The following CARD10 variants were observed in gnomAD, a reference collection of about 807,000 sequenced individuals.
The protein encoded by CARD10 is caspase recruitment domain-containing protein 10.
CARD10 carries 49 observed loss-of-function variants against 114.6 expected under a neutral mutation model. That is an observed-to-expected ratio of 0.43 (90% CI 0.34 to 0.54). The LOEUF (loss-of-function observed/expected upper bound fraction) is 0.54. Ranked by LOEUF, CARD10 falls within the 20% of genes least tolerant of loss-of-function variation. The pLI, the probability that CARD10 is intolerant of heterozygous loss-of-function variation, is 0.03. For missense variants in CARD10, 1,206 were observed against 1,397.2 expected (o/e 0.86, Z 2.18); for synonymous variants, 602 against 593.2 (o/e 1.01, Z -0.21).
chr22:37,495,644 C>G (rs1458154674), intron 14 of CARD10, 58 bp from the exon 15 acceptor site: 1 of 1,611,148 alleles, frequency 6.2e-7, no homozygotes, highest in Admixed American at 1.7e-5. Flanking sequence ...CATTTCTCCT[C>G]GAACCCCCCG....
intron 16 of CARD10, among the ~76,000 whole-genome samples, chr22:37,493,004 C>T (rs529693074): frequency 1.9e-4 from 29 of 152,278 alleles, no homozygotes; most frequent in African/African-American, 6.5e-4. Context: ...TCCCTGCCCC[C>T]TACGGGTCAT....
In CARD10 at chr22:37,510,314, C is replaced by T; in HGVS notation, c.807G>A (p.Glu269=). ...CCACATTGTCTGGCTCCTTCTCCTTCTCCTTCTCCTTCTCCTTCTCCTCTG... is the reference window on the plus strand; with the variant it reads ...CCACATTGTCTGGCTCCTTCTCCTTTTCCTTCTCCTTCTCCTTCTCCTCTG... ...PGAEEKEKEK[E]KEKEPDNVDL... is the part of the protein sequence containing the mutation. Residue 269 remains glutamate (E), a synonymous_variant, in exon 4 of 20, where the codon GAG becomes GAA. Transcript: ENST00000251973. 1 of 1,610,056 alleles carries T rather than the reference C, an allele frequency of 6.2e-7. No individual in the cohort carries two copies. Among genetic ancestry groups the T allele is most frequent in the Non-Finnish European group, 8.5e-7 (1 of 1,179,678 alleles).
In CARD10 at chr22:37,510,326, C is replaced by T. The variant is rs745789566; in HGVS notation, c.795G>A (p.Glu265=). ...GCTCCTTCTCCTTCTCCTTCTCCTT[C>T]TCCTTCTCCTCTGCCCCAGGGGGCG... ...RGPPPGAEEK[E]KEKEKEKEPD... Residue 265 remains glutamate (E), a synonymous_variant, in exon 4 of 20, where the codon GAG becomes GAA. Transcript: ENST00000251973. 6.2e-7 allele frequency: 1 copy of T among 1,610,568 alleles called. No individual in the cohort carries two copies. The highest frequency in any genetic ancestry group is 1.7e-5 in the Admixed American group (1 of 59,946).
intron 9 of CARD10, among the ~76,000 whole-genome samples, 199 bp from the exon 10 acceptor site, chr22:37,503,412 C>A (rs1008967635): frequency 2.6e-5 from 4 of 152,202 alleles, no homozygotes; most frequent in Non-Finnish European, 4.4e-5. Context: ...AAGTTAATGT[C>A]CTGGCCTCTG....
At chr22:37,515,291 G>C (rs981607450) in intron 3 of CARD10, among the ~76,000 whole-genome samples, 1 of 152,174 alleles carries the variant, frequency 6.6e-6, no homozygotes, top group African/African-American at 2.4e-5. Context: ...GGCCAGGTAC[G>C]GTGGCTCACG....
In CARD10 at chr22:37,490,968, G is replaced by A. The variant is rs1922746943; in HGVS notation, c.*191C>T. On this transcript the variant is annotated 3_prime_UTR_variant, in exon 20 of 20. Coordinates refer to ENST00000251973, the MANE Select transcript of CARD10 (RefSeq NM_014550.4). ...CCAGAGCAGCAAGTAGAGGGGAGTG[G>A]GCACTCTGTCCCGGGACTCCCATAG... The A allele has an allele frequency of 1.7e-6, 1 of 585,470 alleles. No individual in the cohort carries two copies. Among genetic ancestry groups the A allele is most frequent in the Admixed American group, 3.1e-5 (1 of 32,478 alleles). The allele number at this position is 585,470 out of a possible 1,614,324, so 36.3% of individuals were successfully genotyped here.
At chr22:37,502,793 G>C in intron 10 of CARD10, 68 bp from the exon 11 acceptor site, 1 of 1,543,374 alleles carries the variant, frequency 6.5e-7, no homozygotes, top group Non-Finnish European at 8.7e-7. Flanking sequence ...TCCATGACAG[G>C]GACTGACCCC....
In CARD10 at chr22:37,501,425, G is replaced by T. The variant is rs368606800; in HGVS notation, c.1787+1177C>A. Among the ~76,000 whole-genome samples the T allele has an allele frequency of 1.4e-4, 21 of 146,582 alleles. No homozygotes were observed. The highest frequency in any genetic ancestry group is 5.1e-4 in the African/African-American group (20 of 38,898). On this transcript the variant is annotated intron_variant, in intron 11 of 19. Coordinates refer to ENST00000251973, the MANE Select transcript of CARD10 (RefSeq NM_014550.4). The surrounding 1 kb of genome is among the most constrained non-coding windows in gnomAD (Gnocchi z 5.4). ...CCTCCACCCCTTCCCCGAGAAGCAC[G>T]TCCTGCACAGGCAAAAACAATGTCT...
rs758830435 is a variant in CARD10 at position 37,491,121 on chromosome 22, C to T, written c.*38G>A. The stretch of plus-strand genomic sequence containing the variant: ...GCTTCACCATAGACACCAGGGTCCA[C>T]GCTGGCTTGGGGAGAAGGTGCAGGT... On this transcript the variant is annotated 3_prime_UTR_variant, in exon 20 of 20. Transcript: ENST00000251973. The T allele has an allele frequency of 2.3e-5, 34 of 1,490,590 alleles. No individual in the cohort carries two copies. The highest frequency in any genetic ancestry group is 5.6e-5 in the African/African-American group (4 of 71,940). The allele number at this position is 1,490,590 out of a possible 1,614,324, so 92.3% of individuals were successfully genotyped here. A position where few individuals can be genotyped will look rare whatever the true frequency, so the allele number is the denominator to read the frequency against.
chr22:37,517,882 C>T (rs1923894374), intron 2 of CARD10, 89 bp downstream of exon 2: 1 of 1,497,218 alleles, frequency 6.7e-7, no homozygotes, highest in Non-Finnish European at 9.0e-7. Context: ...GTTCAACAGG[C>T]ATAGTGGGAG....
chr22:37,491,206 C>A lies in CARD10; in HGVS notation c.3052G>T (p.Val1018Leu). The change falls in exon 20 of 20, where the codon GTG becomes TTG. Residue 1018 changes from valine to leucine, a missense_variant. Around this residue, in one of 2 missense-constraint regions of CARD10, gnomAD observed 1,068 missense variants for 1,179.1 expected, o/e 0.91. Transcript: ENST00000251973. ...CAGCCTCTGCTGCTGCCGCACTCCA[C>A]CCACACGAGGCGGGCCTGCTCCTGC... ...ILQEQARLVWVECGSSRGCPS... is the reference protein window; with the variant it reads ...ILQEQARLVWLECGSSRGCPS... The A allele has an allele frequency of 6.3e-7, 1 of 1,578,972 alleles. No homozygotes were observed. Among genetic ancestry groups the A allele is most frequent in the South Asian group, 1.2e-5 (1 of 86,628 alleles).
At position 37,505,040 on chromosome 22, in the gene CARD10, T is replaced by G. The variant is rs139080444; in HGVS notation, c.1384-271A>C. Among the ~76,000 whole-genome samples, 274 of 152,208 alleles carry G rather than the reference T, an allele frequency of 1.8e-3. No homozygotes were observed. In the Middle Eastern group the frequency reaches 0.054, roughly 30 times the overall value. The stretch of plus-strand genomic sequence containing the variant: ...GAGTCCAAGTACTCTCCAAAGAAAC[T>G]GTGGTTTGAACTGAGAACTCAAGGG... On this transcript the variant is annotated intron_variant, in intron 7 of 19. Coordinates refer to ENST00000251973, the MANE Select transcript of CARD10 (RefSeq NM_014550.4).
chr22:37,494,731 C>T (rs1047052678), intron 15 of CARD10, among the ~76,000 whole-genome samples: 1 of 152,226 alleles, frequency 6.6e-6, no homozygotes, highest in Admixed American at 6.5e-5. Context: ...GTACAACCCC[C>T]GCACTTTACA....
At chr22:37,505,006 C>A (rs1281768691) in intron 7 of CARD10, among the ~76,000 whole-genome samples, 1 of 152,188 alleles carries the variant, frequency 6.6e-6, no homozygotes, top group East Asian at 1.9e-4. Context: ...AAGACCCCAC[C>A]CAGCCTGGGA....
In CARD10 at chr22:37,492,758, G is replaced by C; in HGVS notation, c.2521C>G (p.Leu841Val). Residue 841 changes from leucine (L) to valine (V), a missense_variant, in exon 17 of 20, where the codon CTG (leucine) becomes GTG (valine). By Grantham distance (32) the Leu-to-Val change is conservative. Around this residue, in one of 2 missense-constraint regions of CARD10, gnomAD observed 1,068 missense variants for 1,179.1 expected, o/e 0.91. Coordinates refer to ENST00000251973, the MANE Select transcript of CARD10 (RefSeq NM_014550.4). The surrounding 1 kb of genome is among the most constrained non-coding windows in gnomAD (Gnocchi z 5.7). ...ACCACGGGCCGCAGGGCAGACACCA[G>C]TAGCGGCCGCACCAAACTGTAGGGT... is the stretch of plus-strand genomic sequence containing the variant. ...LRPYSLVRPL[L>V]VSALRPVVLL... The C allele has an allele frequency of 6.2e-7, 1 of 1,612,872 alleles. No homozygotes were observed. The highest frequency in any genetic ancestry group is 8.5e-7 in the Non-Finnish European group (1 of 1,179,916).
At chr22:37,517,303 G>A (rs549622168) in intron 2 of CARD10, among the ~76,000 whole-genome samples, 32 of 152,276 alleles carry the variant, frequency 2.1e-4, no homozygotes, top group South Asian at 4.1e-4. Context: ...AAATACACAC[G>A]TAGGCGTGTG....
chr22:37,507,411 C>T (rs758444185), intron 6 of CARD10, among the ~76,000 whole-genome samples: 16 of 152,212 alleles, frequency 1.1e-4, no homozygotes, highest in Non-Finnish European at 1.9e-4. Flanking sequence ...TGGCACTGGC[C>T]GGAGGTCCTC....
In CARD10 at chr22:37,510,425, G is replaced by A. The variant is rs1569166800; in HGVS notation, c.700-4C>T. 15 of 1,613,232 alleles carry A rather than the reference G, an allele frequency of 9.3e-6. No individual in the cohort carries two copies. Among genetic ancestry groups the A allele is most frequent in the Non-Finnish European group, 1.3e-5 (15 of 1,179,786 alleles). On this transcript the variant is annotated splice_region_variant and splice_polypyrimidine_tract_variant and intron_variant, in intron 3 of 19. Coordinates refer to ENST00000251973, the MANE Select transcript of CARD10 (RefSeq NM_014550.4). Reference sequence around the variant, plus strand: ...CTTTGAGCTTGAGCTGATCCACCTGGAGCCCAAGACATGGGTCAGCCCAGA... The same window carrying A: ...CTTTGAGCTTGAGCTGATCCACCTGAAGCCCAAGACATGGGTCAGCCCAGA...
Position 37,507,830 on chromosome 22 carries a change from T to A in CARD10, c.1190A>T (p.Gln397Leu), listed in dbSNP as rs1217040328. The A allele has an allele frequency of 2.5e-6, 4 of 1,614,106 alleles. No homozygotes were observed. Among genetic ancestry groups the A allele is most frequent in the Non-Finnish European group, 3.4e-6 (4 of 1,179,968 alleles). ...CTCGTACACGCAGGCTGGGCTCACC[T>A]GGTCTCGCTCCTTCTCAATCTCCTC... ...QLEEIEKERD[Q>L]AIQSRDRIQL... The change falls in exon 6 of 20, where the codon CAG becomes CTG. Residue 397 changes from glutamine to leucine, a missense_variant and splice_region_variant. By Grantham distance (113) the Gln-to-Leu change is moderately radical. Around this residue, in one of 2 missense-constraint regions of CARD10, gnomAD observed 1,068 missense variants for 1,179.1 expected, o/e 0.91. Coordinates refer to ENST00000251973, the MANE Select transcript of CARD10 (RefSeq NM_014550.4).
Sources: allele counts gnomAD v4.1 joint callset (sites outside exome capture counted in the v4.1 genomes callset), GRCh38; gene constraint gnomAD v4.1.1; regional missense constraint gnomAD v4.1.1; non-coding constraint Gnocchi (gnomAD v3.1); transcripts MANE v1.5; gene names NCBI Gene and HGNC (gene_info 2026-07-23, HGNC 2026-07-21).